The following DMPK variants were observed in gnomAD, a reference collection of about 807,000 sequenced individuals.
The protein encoded by DMPK is DM1 protein kinase, also known as myotonin-protein kinase.
In DMPK, 32 loss-of-function variants were observed where a neutral mutation model predicts 70.3. The observed-to-expected ratio is 0.46, with a 90% CI of 0.34 to 0.61. The LOEUF is 0.61. Ranked by LOEUF, DMPK falls within the 20% of genes least tolerant of loss-of-function variation. DMPK has a pLI of 0.01. For missense variants in DMPK, 899 were observed against 886.0 expected (o/e 1.01, Z -0.19); for synonymous variants, 469 against 390.9 (o/e 1.20, Z -2.36).
At chr19:45,775,067 G>A (rs201243969) in intron 8 of DMPK, 33 bp from the exon 9 acceptor site, 19 of 1,565,300 alleles carry the variant, frequency 1.2e-5, no homozygotes, top group East Asian at 6.8e-5. Flanking sequence ...AGCAGCAGTC[G>A]TCAGGGCGGG....
At position 45,771,051 on chromosome 19, in the gene DMPK, G is replaced by C. The variant is rs990516970; in HGVS notation, c.1657C>G (p.Pro553Ala). 6.6e-6 allele frequency: 10 copies of C among 1,519,892 alleles called. No individual in the cohort carries two copies. Among genetic ancestry groups the C allele is most frequent in the Non-Finnish European group, 8.8e-6 (10 of 1,135,246 alleles). 94.2% of individuals were successfully genotyped at this position (1,519,892 alleles called of 1,614,324 possible). Residue 553 changes from proline (P) to alanine (A), a missense_variant, in exon 14 of 15, where the codon CCC becomes GCC. By Grantham distance (27) the Pro-to-Ala change is conservative. Transcript: ENST00000291270. Reference sequence around the variant, plus strand: ...CACTGGCCCACAGCCACGGCCGGGGGGCCATCTAGCTGGAGAGAGAAGGGA... The same window carrying C: ...CACTGGCCCACAGCCACGGCCGGGGCGCCATCTAGCTGGAGAGAGAAGGGA... ...ATDPPSHLDG[P>A]PAVAVGQCPL...
At position 45,771,386 on chromosome 19, in the gene DMPK, C is replaced by G; in HGVS notation, c.1611G>C (p.Gly537=). 1 of 1,605,688 alleles carries G rather than the reference C, an allele frequency of 6.2e-7. No individual in the cohort carries two copies. Among genetic ancestry groups the G allele is most frequent in the Non-Finnish European group, 8.5e-7 (1 of 1,177,438 alleles). ...LQAEGATAVT[G]VPSPRATDPP... The stretch of plus-strand genomic sequence containing the variant: ...GATCCGTGGCCCGGGGACTGGGGAC[C>G]CCCGTGACAGCTGGAAGGAGAAGAA... The change falls in exon 13 of 15, where the codon GGG becomes GGC. Residue 537 remains glycine (G), a synonymous_variant. Coordinates refer to ENST00000291270, the MANE Select transcript of DMPK (RefSeq NM_004409.5).
chr19:45,778,110 C>A lies in DMPK; in HGVS notation c.675+17G>T. 6.3e-7 allele frequency: 1 copy of A among 1,598,400 alleles called. No homozygotes were observed. Among genetic ancestry groups the A allele is most frequent in the Non-Finnish European group, 8.5e-7 (1 of 1,170,488 alleles). ...ATCAGCAGCCCCAGTTGCTCTGTGG[C>A]CAGGGCACTGGCTCACCGTTCCATC... On this transcript the variant is annotated intron_variant, in intron 6 of 14. Transcript: ENST00000291270.
intron 1 of DMPK, chr19:45,780,275 T>C: frequency 6.6e-7 from 1 of 1,525,090 alleles, no homozygotes; most frequent in Non-Finnish European, 8.8e-7. Context: ...CACGTTCTCA[T>C]GTAGAATGTC....
Position 45,779,850 on chromosome 19 carries a change from C to A in DMPK, c.180G>T (p.Arg60Ser), listed in dbSNP as rs768362613. 1.9e-6 allele frequency: 3 copies of A among 1,611,864 alleles called. No individual in the cohort carries two copies. Among genetic ancestry groups the A allele is most frequent in the Non-Finnish European group, 2.5e-6 (3 of 1,178,980 alleles). Residue 60 changes from arginine to serine, a missense_variant, in exon 2 of 15, where the codon AGG becomes AGT. By Grantham distance (110) the Arg-to-Ser change is moderately radical. Transcript: ENST00000291270. ...FLQWAEPIVV[R>S]LKEVRLQRDD... ...CCCTCTGCAGTCGGACCTCCTTAAG[C>A]CTCACCACGATGGGCTCCGCTGGGG... is the stretch of plus-strand genomic sequence containing the variant.
intron 13 of DMPK, 75 bp from the exon 14 acceptor site, chr19:45,771,135 G>A (rs1398297774): frequency 6.2e-6 from 8 of 1,294,500 alleles, no homozygotes; most frequent in Admixed American, 2.4e-5. Flanking sequence ...GACAGCGAGG[G>A]GAATCGAGGT....
chr19:45,770,913 A>AGCGC, intron 14 of DMPK, 58 bp downstream of exon 14: 3 of 1,261,234 alleles, frequency 2.4e-6, no homozygotes, highest in Non-Finnish European at 3.1e-6. Context: ...GCGGGTGGCA[A>AGCGC]GGGGCGGGTG....
chr19:45,777,178 C>A lies in DMPK; in HGVS notation c.1146+149G>T. On this transcript the variant is annotated intron_variant, in intron 8 of 14. Coordinates refer to ENST00000291270, the MANE Select transcript of DMPK (RefSeq NM_004409.5). This position sits in a 1 kb window ranked among gnomAD's most constrained non-coding sequence, Gnocchi z 6.7. ...ACTGGACTGTAAGTCTAGGTCACTG[C>A]TGGGTCCTCAGTAGTAGATGGGCAC... 1 of 1,143,250 alleles carries A rather than the reference C, an allele frequency of 8.7e-7. No homozygotes were observed. The highest frequency in any genetic ancestry group is 1.2e-6 in the Non-Finnish European group (1 of 836,328). The allele number at this position is 1,143,250 out of a possible 1,614,324, so 70.8% of individuals were successfully genotyped here. A position where few individuals can be genotyped will look rare whatever the true frequency, so the allele number is the denominator to read the frequency against.
In DMPK at chr19:45,772,726, GGTGTGGGGCCTGGGACCTCACT is replaced by G; in HGVS notation, c.1237_1258del (p.Ser413ProfsTer47). ...CAGCTGCTCGGCCTCCAGTTCCATG[GGTGTGGGGCCTGGGACCTCACT>G]GTCCCTGGGGAGAGGAGGAGGGAGT... On this transcript the variant is annotated frameshift_variant, in exon 10 of 15. Transcript: ENST00000291270. LOFTEE classifies it high-confidence loss of function. The G allele has an allele frequency of 6.6e-7, 1 of 1,510,448 alleles. No individual in the cohort carries two copies. Among genetic ancestry groups the G allele is most frequent in the Non-Finnish European group, 8.8e-7 (1 of 1,141,424 alleles). The allele number at this position is 1,510,448 out of a possible 1,614,324, so 93.6% of individuals were successfully genotyped here.
Position 45,777,887 on chromosome 19 carries a change from A to ATT in DMPK, c.676-15_676-14insAA. Reference sequence around the variant, plus strand: ...CAGCGACCGCACCTGGACCAAAAGGAGCAGAGCGAGGCTTGGGCCCACCCC... The same window carrying ATT: ...CAGCGACCGCACCTGGACCAAAAGGATTGCAGAGCGAGGCTTGGGCCCACCCC... On this transcript the variant is annotated splice_polypyrimidine_tract_variant and intron_variant, in intron 6 of 14. Transcript: ENST00000291270. This position sits in a 1 kb window ranked among gnomAD's most constrained non-coding sequence, Gnocchi z 6.7. 1.3e-6 allele frequency: 2 copies of ATT among 1,598,828 alleles called. No homozygotes were observed. The highest frequency in any genetic ancestry group is 1.7e-6 in the Non-Finnish European group (2 of 1,175,290).
intron 13 of DMPK, 51 bp downstream of exon 13, chr19:45,771,299 A>C: frequency 6.4e-7 from 1 of 1,554,332 alleles, no homozygotes; most frequent in South Asian, 1.2e-5. Flanking sequence ...CAGGGAGGGG[A>C]TCTGCAGAAT....
intron 1 of DMPK, chr19:45,780,489 T>G: frequency 6.9e-6 from 8 of 1,154,028 alleles, no homozygotes; most frequent in Non-Finnish European, 8.7e-6. Flanking sequence ...AGTGCTTTAG[T>G]CCTACCCCTT....
chr19:45,770,614 C>T lies in DMPK; in HGVS notation c.1764G>A (p.Ala588=). Residue 588 remains alanine, a synonymous_variant, in exon 15 of 15, where the codon GCG becomes GCA. Transcript: ENST00000291270. ...ARVPRPGLSE[A]LSLLLFAVVL... ...CAACGGCGAACAGGAGCAGGGAAAG[C>T]GCCTCCGATAGGCCAGGCCTAGGGA... The T allele has an allele frequency of 6.4e-7, 1 of 1,552,786 alleles. No individual in the cohort carries two copies.
At chr19:45,779,896 C>G in intron 1 of DMPK, 27 bp from the exon 2 acceptor site, 1 of 1,613,742 alleles carries the variant, frequency 6.2e-7, no homozygotes. Context: ...GGAAAAGAAC[C>G]GAGGGTCACC....
chr19:45,776,022 C>T (rs1272298910), intron 8 of DMPK, among the ~76,000 whole-genome samples: 1 of 108,622 alleles, frequency 9.2e-6, no homozygotes, highest in Non-Finnish European at 2.0e-5. Context: ...GGGGTTTCAC[C>T]GTGTTGGCCA....
chr19:45,770,442 A>G lies in DMPK; in HGVS notation c.*46T>C. 6.5e-7 allele frequency: 1 copy of G among 1,546,156 alleles called. No homozygotes were observed. The highest frequency in any genetic ancestry group is 2.4e-5 in the East Asian group (1 of 40,866). Reference sequence around the variant, plus strand: ...GCGGCTTCTGTGCCGTGCCCCGGGCACTCAGTCTTCCAACGGGGCCCCGGA... The same window carrying G: ...GCGGCTTCTGTGCCGTGCCCCGGGCGCTCAGTCTTCCAACGGGGCCCCGGA... On this transcript the variant is annotated 3_prime_UTR_variant, in exon 15 of 15. Coordinates refer to ENST00000291270, the MANE Select transcript of DMPK (RefSeq NM_004409.5).
At chr19:45,782,141 C>T (rs1449911445) in intron 1 of DMPK, 52 bp downstream of exon 1, 5 of 520,208 alleles carry the variant, frequency 9.6e-6, no homozygotes, top group Non-Finnish European at 1.5e-5. Flanking sequence ...CCAGACCTGT[C>T]TCCTGCCCCA....
chr19:45,770,521 G>C lies in DMPK; in HGVS notation c.1857C>G (p.Val619=). Reference sequence around the variant, plus strand: ...CGCGGGCGGCTCCTGGGCGGCGCCAGACTGCGGTGAGTTGGCCGGCGTGGG... The same window carrying C: ...CGCGGGCGGCTCCTGGGCGGCGCCACACTGCGGTGAGTTGGCCGGCGTGGG... ...LVAHAGQLTA[V]WRRPGAARAP The change falls in exon 15 of 15, where the codon GTC becomes GTG. Residue 619 remains valine, a synonymous_variant. Coordinates refer to ENST00000291270, the MANE Select transcript of DMPK (RefSeq NM_004409.5). The C allele has an allele frequency of 1.3e-6, 2 of 1,550,584 alleles. No individual in the cohort carries two copies. Among genetic ancestry groups the C allele is most frequent in the East Asian group, 4.9e-5 (2 of 40,916 alleles).
In DMPK at chr19:45,770,528, G is replaced by A; in HGVS notation, c.1850C>T (p.Thr617Ile). 1.3e-6 allele frequency: 2 copies of A among 1,550,644 alleles called. No homozygotes were observed. The highest frequency in any genetic ancestry group is 1.7e-6 in the Non-Finnish European group (2 of 1,146,842). The change falls in exon 15 of 15, where the codon ACC becomes ATC. Residue 617 changes from threonine to isoleucine, a missense_variant. Transcript: ENST00000291270. ...IGLVAHAGQL[T>I]AVWRRPGAAR... ...GGCTCCTGGGCGGCGCCAGACTGCG[G>A]TGAGTTGGCCGGCGTGGGCCACCAA...
Sources: gnomAD v4.1 joint callset for allele counts (sites outside exome capture counted in the v4.1 genomes callset) on GRCh38, gnomAD v4.1.1 for gene constraint, Gnocchi (gnomAD v3.1) non-coding constraint, MANE v1.5 for transcripts, NCBI Gene and HGNC (gene_info 2026-07-23, HGNC 2026-07-21) for gene names.